The following ZZEF1 variants were observed in gnomAD, a reference collection of about 807,000 sequenced individuals.
ZZEF1 encodes the protein zinc finger ZZ-type and EF-hand domain containing 1, also known as zinc finger ZZ-type and EF-hand domain-containing protein 1.
A neutral mutation model predicts 342.8 loss-of-function variants in ZZEF1; 157 were observed. The ratio of observed to expected loss-of-function variants is 0.46; its 90% CI spans 0.40 to 0.52. The LOEUF (loss-of-function observed/expected upper bound fraction) is 0.52. Ranked by LOEUF, ZZEF1 falls within the 20% of genes least tolerant of loss-of-function variation. The pLI, the probability that ZZEF1 is intolerant of heterozygous loss-of-function variation, is 0.00. For synonymous variants in ZZEF1, 1,505 were observed against 1,429.1 expected, an observed-to-expected ratio of 1.05 and a Z score of -1.20; for missense variants, 3,480 against 3,725.6, an observed-to-expected ratio of 0.93 and a Z score of 1.72.
chr17:4,072,401 C>G (rs2057526716), intron 25 of ZZEF1, among the ~76,000 whole-genome samples: 1 of 152,224 alleles, frequency 6.6e-6, no homozygotes, highest in Admixed American at 6.5e-5. Context: ...CCAAGTCACG[C>G]ATTCAGTATT....
chr17:4,014,309 T>A lies in ZZEF1; in HGVS notation c.8314+38A>T, dbSNP rs767694204. 29 of 1,613,210 alleles carry A rather than the reference T, an allele frequency of 1.8e-5. No individual in the cohort carries two copies. Among genetic ancestry groups the A allele is most frequent in the Non-Finnish European group, 2.4e-5 (28 of 1,179,382 alleles). Reference sequence around the variant, plus strand: ...CTCAATATTAAGTTTAAACACTGCCTGTGAAGAACCTATCTAATCGAGTAT... The same window carrying A: ...CTCAATATTAAGTTTAAACACTGCCAGTGAAGAACCTATCTAATCGAGTAT... On this transcript the variant is annotated intron_variant, in intron 50 of 54. Transcript: ENST00000381638. The surrounding 1 kb of genome is among the most constrained non-coding windows in gnomAD (Gnocchi z 4.4).
At chr17:4,121,836 C>T (rs1042631134) in intron 2 of ZZEF1, among the ~76,000 whole-genome samples, 4 of 151,920 alleles carry the variant, frequency 2.6e-5, no homozygotes, top group Non-Finnish European at 5.9e-5. Context: ...AATCCTCCTG[C>T]CTCAGTATCC....
At chr17:4,126,951 A>G (rs1315323923) in intron 1 of ZZEF1, among the ~76,000 whole-genome samples, 1 of 152,094 alleles carries the variant, frequency 6.6e-6, no homozygotes. Flanking sequence ...TGGGTGCTAG[A>G]GCGAGAGTCT....
chr17:4,142,865 C>T lies in ZZEF1; in HGVS notation c.31G>A (p.Asp11Asn). 2 of 1,393,026 alleles carry T rather than the reference C, an allele frequency of 1.4e-6. No homozygotes were observed. Among genetic ancestry groups the T allele is most frequent in the East Asian group, 6.1e-5 (2 of 32,940 alleles). 86.3% of individuals were successfully genotyped at this position (1,393,026 alleles called of 1,614,324 possible). ...TCGCCACCGGCAGCTGCCGCTTCGT[C>T]TTCACTGCTGTGACTCGGAGCGTTC... Reference protein sequence around the residue: MGNAPSHSSEDEAAAAGGEGW... With the variant: MGNAPSHSSENEAAAAGGEGW... Residue 11 changes from aspartate to asparagine, a missense_variant, in exon 1 of 55, where the codon GAC becomes AAC. Transcript: ENST00000381638.
Position 4,116,984 on chromosome 17 carries a change from G to T in ZZEF1, c.682C>A (p.Gln228Lys). The T allele has an allele frequency of 6.2e-7, 1 of 1,608,938 alleles. No homozygotes were observed. ...CACACACACATACCCTTTTCCTTTTGTACCAGCTGATCCAGAGACTCCTTC... is the reference window on the plus strand; with the variant it reads ...CACACACACATACCCTTTTCCTTTTTTACCAGCTGATCCAGAGACTCCTTC... ...VLKESLDQLV[Q>K]KEKESPGDLT... The change falls in exon 3 of 55, where the codon CAA becomes AAA. Residue 228 changes from glutamine to lysine, a missense_variant. Physicochemically the swap from Gln to Lys is moderately conservative, Grantham distance 53. This residue lies in a region of ZZEF1 where 416 missense variants were observed against 374.2 expected (regional missense o/e 1.11). Transcript: ENST00000381638.
chr17:4,015,280 C>T (rs2056069918), intron 49 of ZZEF1, among the ~76,000 whole-genome samples: 1 of 152,206 alleles, frequency 6.6e-6, no homozygotes, highest in African/African-American at 2.4e-5. Flanking sequence ...GGCTGGAGCC[C>T]AGGAACATGA....
chr17:4,032,116 C>T lies in ZZEF1; in HGVS notation c.6892+10G>A, dbSNP rs149723386. The T allele has an allele frequency of 2.4e-5, 39 of 1,602,504 alleles. No homozygotes were observed. Among genetic ancestry groups the T allele is most frequent in the South Asian group, 4.5e-5 (4 of 88,802 alleles). On this transcript the variant is annotated intron_variant, in intron 42 of 54. Coordinates refer to ENST00000381638, the MANE Select transcript of ZZEF1 (RefSeq NM_015113.4). Reference sequence around the variant, plus strand: ...TTCCATTCTTAGAAAAAAATAATTACGCATGGTACCTGTTTTCCTCTTCCG... The same window carrying T: ...TTCCATTCTTAGAAAAAAATAATTATGCATGGTACCTGTTTTCCTCTTCCG...
rs2057581482 is a variant in ZZEF1, at chr17:4,074,969, CTTCCT to C, written c.3483+123_3483+127del. The C allele has an allele frequency of 2.4e-5, 24 of 985,586 alleles. 1 individual carries two copies. The South Asian group carries it at 3.9e-4, about 16-fold the overall frequency. 61.1% of individuals were successfully genotyped at this position (985,586 alleles called of 1,614,324 possible). A position where few individuals can be genotyped will look rare whatever the true frequency, so the allele number is the denominator to read the frequency against. ...AGCTGGTCAAACTCTGATATAAATC[CTTCCT>C]TTCACAAACGTGTAACATAAATGCC... On this transcript the variant is annotated intron_variant, in intron 23 of 54. Coordinates refer to ENST00000381638, the MANE Select transcript of ZZEF1 (RefSeq NM_015113.4).
Position 4,027,867 on chromosome 17 carries a change from A to G in ZZEF1, c.6893-2749T>C, listed in dbSNP as rs563114516. 9.2e-5 allele frequency among the ~76,000 whole-genome samples: 14 copies of G among 152,146 alleles called. No individual in the cohort carries two copies. In the South Asian group the frequency reaches 2.7e-3, roughly 29 times the overall value. ...CATTTATTTATTTATTTTTGTAGAG[A>G]TAGAATTTTGCTATGTTGCCCAGGT... On this transcript the variant is annotated intron_variant, in intron 42 of 54. Transcript: ENST00000381638.
chr17:4,083,201 T>A (rs534487157), intron 16 of ZZEF1, among the ~76,000 whole-genome samples: 1 of 152,316 alleles, frequency 6.6e-6, no homozygotes, highest in South Asian at 2.1e-4. Context: ...ATACAGAAGG[T>A]TGGCAGTGCT....
chr17:4,122,250 GTTTC>G (rs2058495083), intron 2 of ZZEF1, among the ~76,000 whole-genome samples: 2 of 152,108 alleles, frequency 1.3e-5, no homozygotes, highest in South Asian at 2.1e-4. Flanking sequence ...AATGTACAAA[GTTTC>G]TTTCTCTTTC....
chr17:4,069,016 C>G (rs918416981), intron 26 of ZZEF1, among the ~76,000 whole-genome samples: 3 of 152,308 alleles, frequency 2.0e-5, no homozygotes, highest in Admixed American at 1.3e-4. Context: ...CTCCTTCAAA[C>G]CAATAATGGC....
At chr17:4,126,211 G>A (rs542373250) in intron 1 of ZZEF1, among the ~76,000 whole-genome samples, 470 of 128,526 alleles carry the variant, frequency 3.7e-3, no homozygotes, top group Non-Finnish European at 5.9e-3. Flanking sequence ...GTGACAGAGA[G>A]CAAGACTCCG....
At chr17:4,029,565 T>C (rs1271144779) in intron 42 of ZZEF1, among the ~76,000 whole-genome samples, 1 of 152,062 alleles carries the variant, frequency 6.6e-6, no homozygotes, top group Non-Finnish European at 1.5e-5. Flanking sequence ...AATTCTTCTA[T>C]TGCCAAGGAA....
At chr17:4,131,610 C>G (rs2058663553) in intron 1 of ZZEF1, among the ~76,000 whole-genome samples, 1 of 151,926 alleles carries the variant, frequency 6.6e-6, no homozygotes, top group South Asian at 2.1e-4. Flanking sequence ...AAAACCTCCT[C>G]TCTACAAAAA....
intron 13 of ZZEF1, 105 bp from the exon 14 acceptor site, chr17:4,087,639 C>A (rs1024496135): frequency 4.2e-6 from 4 of 961,176 alleles, no homozygotes; most frequent in Non-Finnish European, 6.1e-6. Flanking sequence ...GGTGGCTCTA[C>A]ATGAGTGAGA....
At chr17:4,066,645 T>A (rs2057404339) in intron 27 of ZZEF1, 105 bp from the exon 28 acceptor site, 6 of 923,352 alleles carry the variant, frequency 6.5e-6, no homozygotes, top group Non-Finnish European at 1.0e-5. Flanking sequence ...CACAGAGTAC[T>A]TCACAGTTGT....
intron 42 of ZZEF1, among the ~76,000 whole-genome samples, chr17:4,026,191 TCA>T (rs1567772096): frequency 6.6e-6 from 1 of 152,102 alleles, no homozygotes; most frequent in Non-Finnish European, 1.5e-5. Context: ...TTCCTGGAGC[TCA>T]CAGAGAGCTG....
In ZZEF1 at chr17:4,076,875, C is replaced by T. The variant is rs368159202; in HGVS notation, c.3104G>A (p.Arg1035His). ...LCNSVFSMAA[R>H]QLVIFLLDFC... ...GCTGCTAGTTTTTCTTACCAGTTGA[C>T]GAGCTGCCATTGAAAACACTGAGTT... Residue 1035 changes from arginine (R) to histidine (H), a missense_variant, in exon 20 of 55, where the codon CGT becomes CAT. Transcript: ENST00000381638. 1.8e-5 allele frequency: 29 copies of T among 1,613,914 alleles called. No individual in the cohort carries two copies. The highest frequency in any genetic ancestry group is 2.3e-5 in the Non-Finnish European group (27 of 1,179,942).
Sources: allele counts gnomAD v4.1 joint callset (sites outside exome capture counted in the v4.1 genomes callset), GRCh38; gene constraint gnomAD v4.1.1; regional missense constraint gnomAD v4.1.1; non-coding constraint Gnocchi (gnomAD v3.1); transcripts MANE v1.5; gene names NCBI Gene and HGNC (gene_info 2026-07-23, HGNC 2026-07-21).